RHOBTB1: variants seen among roughly 807,000 people sequenced by gnomAD.
RHOBTB1 encodes the protein rho-related BTB domain-containing protein 1.
In RHOBTB1, 40 loss-of-function variants were observed where a neutral mutation model predicts 71.6. That is an observed-to-expected ratio of 0.56 (90% CI 0.43 to 0.73). RHOBTB1 has a LOEUF of 0.73. RHOBTB1 is among the 30% of genes least tolerant of loss of function. RHOBTB1 has a pLI of 0.00. For missense variants in RHOBTB1, 797 were observed against 894.0 expected (o/e 0.89, Z 1.38); for synonymous variants, 319 against 334.9 (o/e 0.95, Z 0.52).
At chr10:60,964,550 A>C (rs1482214211) in intron 2 of RHOBTB1, among the ~76,000 whole-genome samples, 1 of 152,082 alleles carries the variant, frequency 6.6e-6, no homozygotes, top group African/African-American at 2.4e-5. Flanking sequence ...TGCCAGATAA[A>C]AATTTCTTTA....
At chr10:60,916,545 C>A (rs916096179) in intron 2 of RHOBTB1, among the ~76,000 whole-genome samples, 2 of 152,192 alleles carry the variant, frequency 1.3e-5, no homozygotes, top group Non-Finnish European at 2.9e-5. Flanking sequence ...TTAGGGAAAT[C>A]TCCAGTACCT....
chr10:60,933,784 A>C (rs569242160), intron 2 of RHOBTB1, among the ~76,000 whole-genome samples: 6 of 152,238 alleles, frequency 3.9e-5, no homozygotes, highest in African/African-American at 1.2e-4. Context: ...CAGGAGATGG[A>C]TTAAAAAAAA....
At chr10:60,950,247 T>C (rs117459939) in intron 2 of RHOBTB1, among the ~76,000 whole-genome samples, 3,648 of 152,308 alleles carry the variant, frequency 0.024, 77 homozygotes, top group South Asian at 0.057. Flanking sequence ...ATGTGTATCT[T>C]TGACATTTTA....
intron 2 of RHOBTB1, among the ~76,000 whole-genome samples, chr10:60,939,706 G>C (rs945740725): frequency 6.6e-6 from 1 of 152,054 alleles, no homozygotes; most frequent in Non-Finnish European, 1.5e-5. Context: ...AAACGTGAAT[G>C]GCCTATTTTC....
Position 60,889,033 on chromosome 10 carries a change from C to T in RHOBTB1, c.635G>A (p.Arg212Lys), listed in dbSNP as rs747833492. 3.1e-6 allele frequency: 5 copies of T among 1,614,140 alleles called. No homozygotes were observed. In the South Asian group the frequency reaches 3.3e-5, roughly 11 times the overall value. The change falls in exon 6 of 11, where the codon AGG (arginine) becomes AAG (lysine). Residue 212 changes from arginine (R) to lysine (K), a missense_variant. Physicochemically the swap from Arg to Lys is conservative, Grantham distance 26. Transcript: ENST00000337910. ...NAIRAALISRRHLQFWKSHLK... is the reference protein window; with the variant it reads ...NAIRAALISRKHLQFWKSHLK... ...GTGGGATTTCCAGAATTGCAGGTGCCTGCGGGAAATCAGCGCTGCTCGGAT... is the reference window on the plus strand; with the variant it reads ...GTGGGATTTCCAGAATTGCAGGTGCTTGCGGGAAATCAGCGCTGCTCGGAT...
intron 1 of RHOBTB1, among the ~76,000 whole-genome samples, chr10:60,987,073 G>A (rs747521104): frequency 2.0e-5 from 3 of 152,180 alleles, no homozygotes; most frequent in Admixed American, 6.5e-5. Context: ...AGCCCATTTC[G>A]TGGGGCTGTG....
chr10:60,995,739 CTTA>C (rs2087025368), intron 1 of RHOBTB1, among the ~76,000 whole-genome samples: 1 of 151,938 alleles, frequency 6.6e-6, no homozygotes, highest in African/African-American at 2.4e-5. Context: ...TGTTTCTGCC[CTTA>C]TTGTTTTTTG....
chr10:60,924,752 A>G (rs2083770593), intron 2 of RHOBTB1, among the ~76,000 whole-genome samples: 1 of 152,238 alleles, frequency 6.6e-6, no homozygotes, highest in African/African-American at 2.4e-5. Flanking sequence ...TAGGCCACAA[A>G]ACAAGTCTCA....
intron 2 of RHOBTB1, among the ~76,000 whole-genome samples, chr10:60,924,921 T>C (rs1286525423): frequency 6.6e-6 from 1 of 152,192 alleles, no homozygotes; most frequent in Non-Finnish European, 1.5e-5. Flanking sequence ...CCCAATCTCA[T>C]GTTAAATTGT....
chr10:60,868,566 T>C (rs367548270), downstream of RHOBTB1, among the ~76,000 whole-genome samples: 2 of 152,334 alleles, frequency 1.3e-5, no homozygotes, highest in African/African-American at 4.8e-5. Context: ...AAAAATCTCT[T>C]AGAAACATTG....
At chr10:60,985,122 C>G (rs2086618803) in intron 2 of RHOBTB1, among the ~76,000 whole-genome samples, 1 of 152,110 alleles carries the variant, frequency 6.6e-6, no homozygotes, top group African/African-American at 2.4e-5. Flanking sequence ...ATATTTGCAG[C>G]TACACACAGA....
At chr10:60,909,683 C>G (rs2082868445) in intron 4 of RHOBTB1, among the ~76,000 whole-genome samples, 1 of 151,930 alleles carries the variant, frequency 6.6e-6, no homozygotes, top group Admixed American at 6.6e-5. Flanking sequence ...CAATCAACAA[C>G]ATTATAGAAA....
intron 2 of RHOBTB1, among the ~76,000 whole-genome samples, chr10:60,954,625 G>T (rs922250275): frequency 1.3e-5 from 2 of 152,124 alleles, no homozygotes; most frequent in Non-Finnish European, 2.9e-5. Flanking sequence ...TGTCAGTGGT[G>T]TCGCGTATTC....
intron 10 of RHOBTB1, among the ~76,000 whole-genome samples, 185 bp from the exon 11 acceptor site, chr10:60,871,836 T>A (rs1039978700): frequency 2.0e-5 from 3 of 152,182 alleles, no homozygotes; most frequent in Non-Finnish European, 4.4e-5. Flanking sequence ...CCTGTAGTCA[T>A]GCAGCTGGGC....
At chr10:60,918,084 T>C (rs2083363636) in intron 2 of RHOBTB1, among the ~76,000 whole-genome samples, 2 of 152,234 alleles carry the variant, frequency 1.3e-5, no homozygotes, top group African/African-American at 4.8e-5. Flanking sequence ...GCCCATTTCA[T>C]ACACTGAACG....
rs1303622911 is a variant in RHOBTB1, at chr10:60,888,262, A to G, written c.1406T>C (p.Val469Ala). ...CTCTTTTATCCGATTGGCTTTCCTT[A>G]CGTGAAAGGCTTTCGTAATCTCCTG... is the stretch of plus-strand genomic sequence containing the variant. Reference protein sequence around the residue: ...MNQEITKAFHVRKANRIKECL... With the variant: ...MNQEITKAFHARKANRIKECL... Residue 469 changes from valine to alanine, a missense_variant, in exon 6 of 11, where the codon GTA (valine) becomes GCA (alanine). Physicochemically the swap from Val to Ala is moderately conservative, Grantham distance 64. Transcript: ENST00000337910. The G allele has an allele frequency of 6.2e-7, 1 of 1,613,964 alleles. No individual in the cohort carries two copies. Among genetic ancestry groups the G allele is most frequent in the Admixed American group, 1.7e-5 (1 of 59,990 alleles).
chr10:60,950,897 A>G (rs750775733), intron 2 of RHOBTB1, among the ~76,000 whole-genome samples: 39 of 152,180 alleles, frequency 2.6e-4, no homozygotes, highest in Non-Finnish European at 4.9e-4. Context: ...ACCAAATTGT[A>G]TGAGGTAGAA....
chr10:60,907,554 A>C (rs899377537), intron 4 of RHOBTB1, among the ~76,000 whole-genome samples: 5 of 152,186 alleles, frequency 3.3e-5, no homozygotes, highest in Non-Finnish European at 7.4e-5. Flanking sequence ...CACCCCAGAG[A>C]AGAGAGGGTT....
chr10:60,982,332 C>T (rs780945432), intron 2 of RHOBTB1, among the ~76,000 whole-genome samples: 18 of 152,104 alleles, frequency 1.2e-4, no homozygotes, highest in Non-Finnish European at 2.2e-4. Flanking sequence ...GTACTCAGTA[C>T]GGATACCATT....
Sources: allele counts gnomAD v4.1 joint callset (sites outside exome capture counted in the v4.1 genomes callset), GRCh38; gene constraint gnomAD v4.1.1; transcripts MANE v1.5; gene names NCBI Gene and HGNC (gene_info 2026-07-23, HGNC 2026-07-21).